GNPAT: variants seen among roughly 807,000 people sequenced by gnomAD.
GNPAT encodes glyceronephosphate O-acyltransferase.
GNPAT carries 30 observed loss-of-function variants against 78.4 expected under a neutral mutation model. The ratio of observed to expected loss-of-function variants is 0.38; its 90% confidence interval spans 0.29 to 0.52. The LOEUF is 0.52. GNPAT is among the 20% of genes least tolerant of loss of function. GNPAT has a pLI of 0.84. For synonymous variants in GNPAT, 271 were observed against 281.1 expected, an observed-to-expected ratio of 0.96 and a Z score of 0.36; for missense variants, 714 against 812.2, an observed-to-expected ratio of 0.88 and a Z score of 1.47.
rs778048550 is a variant in GNPAT, at chr1:231,270,916, G to T, written c.1438G>T (p.Ala480Ser). 1.2e-6 allele frequency: 2 copies of T among 1,614,066 alleles called. No individual in the cohort carries two copies. The highest frequency in any genetic ancestry group is 3.3e-5 in the Admixed American group (2 of 60,022). Reference protein sequence around the residue: ...LQHITLLMCSAYRNQLLNIFV... With the variant: ...LQHITLLMCSSYRNQLLNIFV... ...GCACATCACTCTCCTCATGTGCTCA[G>T]CTTATAGGAACCAGCTGCTCAACAT... Residue 480 changes from alanine (A) to serine (S), a missense_variant, in exon 10 of 16, where the codon GCT becomes TCT. Transcript: ENST00000366647.
At chr1:231,241,540 C>A in intron 1 of GNPAT, 84 bp downstream of exon 1, 1 of 1,035,534 alleles carries the variant, frequency 9.7e-7, no homozygotes, top group Non-Finnish European at 1.5e-6. Context: ...TCCGGCCCAC[C>A]ACCCTTGCCC....
At chr1:231,269,037 C>T (rs1156634682) in intron 9 of GNPAT, among the ~76,000 whole-genome samples, 1 of 150,686 alleles carries the variant, frequency 6.6e-6, no homozygotes, top group African/African-American at 2.4e-5. Context: ...GTGCTGGGTA[C>T]TACCAGGGAT....
At chr1:231,244,491 A>G (rs533336506) in intron 1 of GNPAT, among the ~76,000 whole-genome samples, 3 of 152,194 alleles carry the variant, frequency 2.0e-5, no homozygotes, top group African/African-American at 7.2e-5. Context: ...TTGGGTTTCT[A>G]TGATTTGGCA....
At position 231,260,246 on chromosome 1, in the gene GNPAT, A is replaced by G. The variant is rs370313286; in HGVS notation, c.262-261A>G. ...TGGATATAAACTTATTAACAAACCA[A>G]ATGGAAAGGTGAAGTGTTTTCTTCA... On this transcript the variant is annotated intron_variant, in intron 2 of 15. Coordinates refer to ENST00000366647, the MANE Select transcript of GNPAT (RefSeq NM_014236.4). 9.8e-4 allele frequency among the ~76,000 whole-genome samples: 150 copies of G among 152,354 alleles called. 1 individual carries two copies. The highest frequency in any genetic ancestry group is 3.3e-3 in the African/African-American group (138 of 41,576).
chr1:231,258,827 C>T lies in GNPAT; in HGVS notation c.262-1680C>T, dbSNP rs145717892. 7.9e-3 allele frequency among the ~76,000 whole-genome samples: 1,197 copies of T among 151,010 alleles called. 6 individuals carry two copies. The highest frequency in any genetic ancestry group is 0.011 in the Admixed American group (172 of 15,170). ...TTTTTTTTCTATTCTTTAGTAGAGA[C>T]GGGGTTTCACCGTGTTAGCCAGGAT... On this transcript the variant is annotated intron_variant, in intron 2 of 15. Transcript: ENST00000366647.
chr1:231,245,704 T>A (rs943507325), intron 1 of GNPAT, among the ~76,000 whole-genome samples: 1 of 152,240 alleles, frequency 6.6e-6, no homozygotes, highest in Non-Finnish European at 1.5e-5. Context: ...GCGCTGTGGC[T>A]TACGCCTGTA....
intron 15 of GNPAT, among the ~76,000 whole-genome samples, chr1:231,277,077 A>T (rs965727189): frequency 1.3e-5 from 2 of 152,220 alleles, no homozygotes; most frequent in African/African-American, 4.8e-5. Context: ...AGGCGGAAGT[A>T]CTAGACCTTG....
chr1:231,244,571 A>G (rs1270334747), intron 1 of GNPAT, among the ~76,000 whole-genome samples: 1 of 152,180 alleles, frequency 6.6e-6, no homozygotes, highest in Admixed American at 6.5e-5. Flanking sequence ...TCAGGGTAAT[A>G]GAATTCAGTT....
At chr1:231,263,987 C>T (rs1023951238) in intron 4 of GNPAT, among the ~76,000 whole-genome samples, 5 of 152,072 alleles carry the variant, frequency 3.3e-5, no homozygotes, top group Non-Finnish European at 5.9e-5. Flanking sequence ...CCTGGATATT[C>T]ACCCCTTATC....
At chr1:231,258,424 C>G (rs1024428103) in intron 2 of GNPAT, 2 of 152,170 alleles carry the variant, frequency 1.3e-5, no homozygotes, top group African/African-American at 4.8e-5. Context: ...AGCCACACCC[C>G]TGTGGTCGGA....
Position 231,277,631 on chromosome 1 carries a change from C to T in GNPAT, c.*89C>T. 1 of 808,072 alleles carries T rather than the reference C, an allele frequency of 1.2e-6. No individual in the cohort carries two copies. The highest frequency in any genetic ancestry group is 1.3e-5 in the South Asian group (1 of 74,550). 50.1% of individuals were successfully genotyped at this position (808,072 alleles called of 1,614,324 possible). A position where few individuals can be genotyped will look rare whatever the true frequency, so the allele number is the denominator to read the frequency against. ...ACAAACAGGGAAGTAAAGGAAGAGA[C>T]ACATCCTCTCATACTCCCTGAGACT... On this transcript the variant is annotated 3_prime_UTR_variant, in exon 16 of 16. Transcript: ENST00000366647.
At chr1:231,275,727 A>G (rs1023241211) in intron 14 of GNPAT, among the ~76,000 whole-genome samples, 1 of 152,240 alleles carries the variant, frequency 6.6e-6, no homozygotes, top group Admixed American at 6.5e-5. Context: ...CTTTAGGCCA[A>G]TATTTTTGCT....
intron 15 of GNPAT, among the ~76,000 whole-genome samples, 200 bp from the exon 16 acceptor site, chr1:231,277,299 G>A (rs1339266928): frequency 1.3e-5 from 2 of 152,206 alleles, no homozygotes; most frequent in Non-Finnish European, 2.9e-5. Flanking sequence ...TGGCCCTGTG[G>A]CTCTGGCCAT....
intron 2 of GNPAT, among the ~76,000 whole-genome samples, chr1:231,256,573 G>A (rs544336522): frequency 2.4e-5 from 3 of 126,830 alleles, no homozygotes; most frequent in Admixed American, 2.1e-4. Flanking sequence ...TGCAAGTTCC[G>A]CCTCCCAGGT....
intron 9 of GNPAT, chr1:231,269,896 A>C (rs1019824200): frequency 2.0e-5 from 3 of 152,114 alleles, no homozygotes; most frequent in Non-Finnish European, 4.4e-5. Flanking sequence ...TTCATATCTC[A>C]AGCTTTTTAT....
chr1:231,277,514 T>C lies in GNPAT; in HGVS notation c.2015T>C (p.Ile672Thr). 2.5e-6 allele frequency: 4 copies of C among 1,595,502 alleles called. No homozygotes were observed. Among genetic ancestry groups the C allele is most frequent in the Non-Finnish European group, 3.4e-6 (4 of 1,163,038 alleles). The part of the protein sequence containing the change: ...LEEMLGCKTP[I>T]GKPATAKL ...TTCATCTTAGGTTGTAAGACACCAA[T>C]AGGAAAACCAGCCACTGCAAAACTT... is the stretch of plus-strand genomic sequence containing the variant. Residue 672 changes from isoleucine (I) to threonine (T), a missense_variant, in exon 16 of 16, where the codon ATA becomes ACA. Ile to Thr is a moderately conservative substitution (Grantham distance 89). Coordinates refer to ENST00000366647, the MANE Select transcript of GNPAT (RefSeq NM_014236.4).
chr1:231,271,084 A>G (rs1685551891), intron 10 of GNPAT, 84 bp downstream of exon 10: 2 of 1,457,240 alleles, frequency 1.4e-6, no homozygotes, highest in Non-Finnish European at 1.9e-6. Context: ...GAAGCCTTGT[A>G]ATGTTCAGCC....
rs757383514 is a variant in GNPAT, at chr1:231,251,135, A to G, written c.253A>G (p.Ile85Val). The G allele has an allele frequency of 3.8e-6, 6 of 1,565,264 alleles. No homozygotes were observed. In the African/African-American group the frequency reaches 4.1e-5, roughly 11 times the overall value. The change falls in exon 2 of 16, where the codon ATT becomes GTT. Residue 85 changes from isoleucine to valine, a missense_variant. Physicochemically the swap from Ile to Val is conservative, Grantham distance 29 (BLOSUM62 3). Transcript: ENST00000366647. Reference sequence around the variant, plus strand: ...CAATTCTGAGGAGATTCATTATGTCATTAAACAGGTAAGTGATTCCCTCTT... The same window carrying G: ...CAATTCTGAGGAGATTCATTATGTCGTTAAACAGGTAAGTGATTCCCTCTT... ...VLNSEEIHYV[I>V]KQLSKESLQS...
At position 231,265,742 on chromosome 1, in the gene GNPAT, G is replaced by A. The variant is rs748763962; in HGVS notation, c.727G>A (p.Glu243Lys). 3.1e-6 allele frequency: 5 copies of A among 1,606,624 alleles called. No individual in the cohort carries two copies. The highest frequency in any genetic ancestry group is 4.3e-6 in the Non-Finnish European group (5 of 1,173,224). Residue 243 changes from glutamate to lysine, a missense_variant, in exon 6 of 16, where the codon GAA becomes AAA. Physicochemically the swap from Glu to Lys is moderately conservative, Grantham distance 56. Transcript: ENST00000366647. The part of the protein sequence containing the change: ...NGYAPVEFFL[E>K]GTRSRSAKTL... Reference sequence around the variant, plus strand: ...TTATGCTCCTGTTGAATTTTTCCTCGAAGGGACAAGAAGCCGCTCTGCCAA... The same window carrying A: ...TTATGCTCCTGTTGAATTTTTCCTCAAAGGGACAAGAAGCCGCTCTGCCAA...
Sources: gnomAD v4.1 joint callset for allele counts (sites outside exome capture counted in the v4.1 genomes callset) on GRCh38, gnomAD v4.1.1 for gene constraint, MANE v1.5 for transcripts, NCBI Gene and HGNC (gene_info 2026-07-23, HGNC 2026-07-21) for gene names.